ECT2: variants seen among roughly 807,000 people sequenced by gnomAD.
ECT2 encodes the protein protein ECT2.
A neutral mutation model predicts 116.9 loss-of-function variants in ECT2; 61 were observed. The ratio of observed to expected loss-of-function variants is 0.52; its 90% CI spans 0.42 to 0.65. ECT2 has a LOEUF of 0.65. Among genes scored for constraint, ECT2 ranks in the 30% least tolerant of loss-of-function variants. The pLI, the probability that ECT2 is intolerant of heterozygous loss-of-function variation, is 0.00. For synonymous variants in ECT2, 358 were observed against 346.4 expected (o/e 1.03, Z -0.37); for missense variants, 937 against 1,078.7 (o/e 0.87, Z 1.84).
At chr3:172,817,613 T>A (rs1223093759) in intron 24 of ECT2, among the ~76,000 whole-genome samples, 1 of 152,132 alleles carries the variant, frequency 6.6e-6, no homozygotes, top group East Asian at 1.9e-4. Context: ...TGTATATATA[T>A]GTATGTATAT....
intron 22 of ECT2, among the ~76,000 whole-genome samples, chr3:172,815,213 A>C (rs1729473648): frequency 6.6e-6 from 1 of 152,196 alleles, no homozygotes; most frequent in South Asian, 2.1e-4. Flanking sequence ...TGAGGACAAA[A>C]GGGTAAAGTA....
intron 13 of ECT2, among the ~76,000 whole-genome samples, chr3:172,771,104 A>G (rs1720549294): frequency 6.6e-6 from 1 of 152,168 alleles, no homozygotes; most frequent in Non-Finnish European, 1.5e-5. Flanking sequence ...GTACACATGA[A>G]ATTTCCTTCC....
At chr3:172,807,250 T>C (rs1315551586) in intron 21 of ECT2, among the ~76,000 whole-genome samples, 1 of 152,200 alleles carries the variant, frequency 6.6e-6, no homozygotes, top group East Asian at 1.9e-4. Flanking sequence ...TAGGGAATGA[T>C]GACAAGAATA....
chr3:172,759,987 C>T (rs1282902446), intron 6 of ECT2, among the ~76,000 whole-genome samples, 169 bp from the exon 7 acceptor site: 1 of 152,188 alleles, frequency 6.6e-6, no homozygotes, highest in Non-Finnish European at 1.5e-5. Flanking sequence ...AATAGGCAAA[C>T]TAATCTTTTT....
Position 172,769,013 on chromosome 3 carries a change from C to G in ECT2, c.1298C>G (p.Pro433Arg), listed in dbSNP as rs775770550. The change falls in exon 13 of 25, where the codon CCA becomes CGA. Residue 433 changes from proline (P) to arginine (R), a missense_variant. Coordinates refer to ENST00000392692, the MANE Select transcript of ECT2 (RefSeq NM_001258315.2). ...CCACCTTTTAACGTTTCAGACACCC[C>G]AAAGTCTTGTACTAAGTCTTCTAAA... ...PESSINYGDT[P>R]KSCTKSSKSS... 1.2e-6 allele frequency: 2 copies of G among 1,607,112 alleles called. No homozygotes were observed. The highest frequency in any genetic ancestry group is 2.7e-5 in the African/African-American group (2 of 74,842).
At chr3:172,783,052 T>A (rs1722999910) in intron 15 of ECT2, among the ~76,000 whole-genome samples, 1 of 152,190 alleles carries the variant, frequency 6.6e-6, no homozygotes, top group African/African-American at 2.4e-5. Flanking sequence ...TAACACTTTT[T>A]GCTGTCATGT....
chr3:172,816,867 G>T, intron 24 of ECT2, 30 bp downstream of exon 24: 2 of 1,488,286 alleles, frequency 1.3e-6, no homozygotes, highest in South Asian at 2.8e-5. Context: ...TGGGGTAAAT[G>T]ACTTATTTAT....
At chr3:172,763,760 C>G (rs138182523) in intron 11 of ECT2, among the ~76,000 whole-genome samples, 69 of 152,244 alleles carry the variant, frequency 4.5e-4, no homozygotes, top group African/African-American at 1.6e-3. Flanking sequence ...GATTTAATAA[C>G]TTTGTGTGGA....
Position 172,760,211 on chromosome 3 carries a change from A to G in ECT2, c.632A>G (p.Asn211Ser), listed in dbSNP as rs879233982. 5.0e-6 allele frequency: 8 copies of G among 1,612,418 alleles called. No individual in the cohort carries two copies. In the South Asian group the frequency reaches 7.7e-5, roughly 16 times the overall value. The change falls in exon 7 of 25, where the codon AAT becomes AGT. Residue 211 changes from asparagine (N) to serine (S), a missense_variant. Physicochemically the swap from Asn to Ser is conservative, Grantham distance 46 (BLOSUM62 1). Coordinates refer to ENST00000392692, the MANE Select transcript of ECT2 (RefSeq NM_001258315.2). ...GGTGGAGTTATTCGAAAAGACTTTA[A>G]TTCAAAAGTTACACATTTGGTGGCA... ...HMGGVIRKDFNSKVTHLVANC... is the reference protein window; with the variant it reads ...HMGGVIRKDFSSKVTHLVANC...
At chr3:172,803,104 T>TA (rs1170525482) in intron 20 of ECT2, 124 bp downstream of exon 20, 10 of 927,136 alleles carry the variant, frequency 1.1e-5, no homozygotes, top group Admixed American at 7.2e-5. Flanking sequence ...AATCTTTTTT[T>TA]AAAAAAATCG....
intron 18 of ECT2, among the ~76,000 whole-genome samples, chr3:172,800,942 T>C (rs11914418): frequency 0.061 from 9,359 of 152,288 alleles, 970 homozygotes; most frequent in African/African-American, 0.21. Context: ...TGCAGAATTT[T>C]GTTGTTATGA....
chr3:172,753,180 A>G lies in ECT2; in HGVS notation c.-22-1329A>G, dbSNP rs151023014. Among the ~76,000 whole-genome samples, 5 of 152,226 alleles carry G rather than the reference A, an allele frequency of 3.3e-5. No individual in the cohort carries two copies. The East Asian group carries it at 9.7e-4, about 29-fold the overall frequency. ...AGTGGTGGGATCACAGCTCACTACA[A>G]CCTCAAACTCCTGGATTCAAGTGAT... On this transcript the variant is annotated intron_variant, in intron 1 of 24. Coordinates refer to ENST00000392692, the MANE Select transcript of ECT2 (RefSeq NM_001258315.2).
intron 13 of ECT2, among the ~76,000 whole-genome samples, chr3:172,771,795 C>T (rs934506585): frequency 3.3e-5 from 5 of 152,084 alleles, no homozygotes; most frequent in Admixed American, 1.3e-4. Context: ...AGGATAGTAT[C>T]AGTGTTGATA....
At chr3:172,774,073 T>C (rs776604143) in intron 14 of ECT2, 51 bp downstream of exon 14, 1 of 1,558,948 alleles carries the variant, frequency 6.4e-7, no homozygotes, top group Non-Finnish European at 8.8e-7. Flanking sequence ...ATTGTACATA[T>C]TTATTATGAT....
chr3:172,794,808 G>A (rs1471099718), intron 18 of ECT2, among the ~76,000 whole-genome samples: 1 of 152,006 alleles, frequency 6.6e-6, no homozygotes, highest in Admixed American at 6.6e-5. Context: ...TCCGCCTCCC[G>A]GGTTCAAGTG....
chr3:172,758,919 A>G (rs530213488), intron 5 of ECT2, 61 bp from the exon 6 acceptor site: 50 of 1,341,996 alleles, frequency 3.7e-5, no homozygotes, highest in Non-Finnish European at 5.1e-5. Context: ...TAGCTTGAGA[A>G]AGTTGTGTTG....
downstream of ECT2, among the ~76,000 whole-genome samples, chr3:172,823,183 T>C (rs951737184): frequency 7.2e-5 from 11 of 152,110 alleles, no homozygotes; most frequent in African/African-American, 2.7e-4. Flanking sequence ...GAAAGCTTAG[T>C]GGATTTTTTT....
chr3:172,792,676 A>T (rs540579690), intron 18 of ECT2, among the ~76,000 whole-genome samples: 1 of 152,270 alleles, frequency 6.6e-6, no homozygotes, highest in Admixed American at 6.5e-5. Flanking sequence ...CTCTTGAATA[A>T]ATTCCTAGGA....
At chr3:172,782,295 G>T in intron 15 of ECT2, 64 bp downstream of exon 15, 1 of 942,518 alleles carries the variant, frequency 1.1e-6, no homozygotes, top group African/African-American at 1.7e-5. Flanking sequence ...GGACTGGCAA[G>T]GAGTGTAATT....
Sources: gnomAD v4.1 joint callset for allele counts (sites outside exome capture counted in the v4.1 genomes callset) on GRCh38, gnomAD v4.1.1 for gene constraint, MANE v1.5 for transcripts, NCBI Gene and HGNC (gene_info 2026-07-23, HGNC 2026-07-21) for gene names.